Variants in PDE1C observed in about 807,000 individuals in gnomAD.
The protein encoded by PDE1C is dual specificity calcium/calmodulin-dependent 3',5'-cyclic nucleotide phosphodiesterase 1C.
In PDE1C, 62 loss-of-function variants were observed where a neutral mutation model predicts 93.1. The observed-to-expected ratio is 0.67, with a 90% confidence interval of 0.54 to 0.82. The LOEUF (loss-of-function observed/expected upper bound fraction) is 0.82, where lower values mean the gene tolerates loss of function less well. Among genes scored for constraint, PDE1C ranks in the 40% least tolerant of loss-of-function variants. The pLI, the probability that PDE1C is intolerant of heterozygous loss-of-function variation, is 0.00. For missense variants in PDE1C, 742 were observed against 884.6 expected (o/e 0.84, Z 2.04); for synonymous variants, 325 against 310.1 (o/e 1.05, Z -0.50).
intron 16 of PDE1C, among the ~76,000 whole-genome samples, chr7:31,797,511 A>G (rs1785456196): frequency 6.6e-6 from 1 of 151,804 alleles, no homozygotes; most frequent in South Asian, 2.1e-4. Context: ...ATTACTAAAA[A>G]CAGTTAAGCA....
intron 7 of PDE1C, among the ~76,000 whole-genome samples, chr7:31,859,398 T>A (rs1229469874): frequency 1.3e-5 from 2 of 148,680 alleles, no homozygotes; most frequent in East Asian, 1.9e-4. Flanking sequence ...TGTACAGTAA[T>A]GGCACAATAT....
the PDE1C span, chr7:31,651,868 T>C: frequency 9.8e-5 from 102 of 1,036,622 alleles, no homozygotes; most frequent in Middle Eastern, 5.3e-4. Flanking sequence ...ACCTATATTA[T>C]GAGGTGACAA....
At position 31,931,212 on chromosome 7, in the gene PDE1C, A is replaced by G. The variant is rs181098863; in HGVS notation, c.129-50352T>C. On this transcript the variant is annotated intron_variant, in intron 2 of 17. Coordinates refer to ENST00000396191, the MANE Select transcript of PDE1C (RefSeq NM_001191057.4). ...ATGCCCTCTCTCACCACTCCTTTTC[A>G]ACATAGTATTGGAAGGTCTGGTCAG... is the stretch of plus-strand genomic sequence containing the variant. 2.0e-3 allele frequency among the ~76,000 whole-genome samples: 311 copies of G among 152,342 alleles called. 3 individuals are homozygous for G. Among genetic ancestry groups the G allele is most frequent in the African/African-American group, 4.1e-3 (171 of 41,582 alleles).
intron 16 of PDE1C, among the ~76,000 whole-genome samples, chr7:31,798,607 A>C (rs1056121459): frequency 2.6e-5 from 4 of 151,800 alleles, no homozygotes; most frequent in Admixed American, 2.6e-4. Flanking sequence ...ATCCATTAGA[A>C]TTTGGTCAAA....
At chr7:31,658,492 C>T in the PDE1C span, 1 of 1,057,344 alleles carries the variant, frequency 9.5e-7, no homozygotes. Context: ...AAGTGGTGCC[C>T]CTTTGAGAAG....
chr7:32,298,576 A>G (rs1279121243), intron 1 of PDE1C: 3 of 1,505,068 alleles, frequency 2.0e-6, no homozygotes, highest in Non-Finnish European at 9.0e-7. Context: ...CTGCCCGCTT[A>G]GAAAGGAACT....
At chr7:32,132,472 C>A (rs1034757906) in intron 3 of PDE1C, among the ~76,000 whole-genome samples, 1 of 151,420 alleles carries the variant, frequency 6.6e-6, no homozygotes, top group Non-Finnish European at 1.5e-5. Flanking sequence ...TCACCCTGGG[C>A]AACATAGTGA....
In PDE1C at chr7:32,070,326, T is replaced by G. The variant is rs1161463097; in HGVS notation, c.68A>C (p.Gln23Pro). 3 of 1,614,114 alleles carry G rather than the reference T, an allele frequency of 1.9e-6. No individual in the cohort carries two copies. The highest frequency in any genetic ancestry group is 2.5e-6 in the Non-Finnish European group (3 of 1,180,048). ...GAGCCGAAGCCAGATTTTCTCGATC[T>G]GTTCCGGTTGCAGGTATTTCAGAGA... Reference protein sequence around the residue: ...SNSLKYLQPEQIEKIWLRLRG... With the variant: ...SNSLKYLQPEPIEKIWLRLRG... The change falls in exon 1 of 18, where the codon CAG (glutamine) becomes CCG (proline). Residue 23 changes from glutamine to proline, a missense_variant. Coordinates refer to ENST00000396191, the MANE Select transcript of PDE1C (RefSeq NM_001191057.4).
chr7:32,296,104 A>T (rs1812597656), intron 1 of PDE1C, among the ~76,000 whole-genome samples: 2 of 152,346 alleles, frequency 1.3e-5, no homozygotes, highest in South Asian at 4.1e-4. Flanking sequence ...TTGTAAAAAC[A>T]ATGTACATAT....
chr7:32,371,715 G>A (rs1203608536), intron 1 of PDE1C, among the ~76,000 whole-genome samples: 2 of 152,068 alleles, frequency 1.3e-5, no homozygotes, highest in Non-Finnish European at 2.9e-5. Flanking sequence ...TACATAAATG[G>A]AAAAACATTC....
At chr7:32,422,402 C>T (rs987323167) in intron 1 of PDE1C, among the ~76,000 whole-genome samples, 2 of 152,114 alleles carry the variant, frequency 1.3e-5, no homozygotes, top group African/African-American at 4.8e-5. Flanking sequence ...TTGCATGGTG[C>T]TGTGGTTTGG....
At chr7:32,362,546 A>G (rs1234744627) in intron 1 of PDE1C, among the ~76,000 whole-genome samples, 2 of 152,110 alleles carry the variant, frequency 1.3e-5, no homozygotes, top group Non-Finnish European at 2.9e-5. Context: ...AGTGGCCATC[A>G]TAGATGGAGT....
intron 2 of PDE1C, among the ~76,000 whole-genome samples, chr7:31,955,960 G>A (rs1808073594): frequency 6.6e-6 from 1 of 152,164 alleles, no homozygotes; most frequent in Non-Finnish European, 1.5e-5. Context: ...ATGACCTGGA[G>A]GTTTTCGGTG....
chr7:32,399,247 T>G (rs1435064672), intron 1 of PDE1C, among the ~76,000 whole-genome samples: 1 of 152,206 alleles, frequency 6.6e-6, no homozygotes, highest in Admixed American at 6.5e-5. Flanking sequence ...ATTCTTAGAA[T>G]AAATTCTTAG....
chr7:31,963,894 G>C (rs1809442869), intron 2 of PDE1C, among the ~76,000 whole-genome samples: 2 of 152,224 alleles, frequency 1.3e-5, no homozygotes, highest in African/African-American at 4.8e-5. Context: ...ATGAAAATCT[G>C]TTAGCACTTA....
chr7:31,976,506 TG>T (rs1269259670), intron 2 of PDE1C, among the ~76,000 whole-genome samples: 1 of 152,206 alleles, frequency 6.6e-6, no homozygotes. Context: ...AACTGATATA[TG>T]GTTTCTATTA....
At chr7:32,035,157 G>A (rs1790876144) in intron 2 of PDE1C, among the ~76,000 whole-genome samples, 2 of 151,844 alleles carry the variant, frequency 1.3e-5, no homozygotes, top group South Asian at 4.2e-4. Context: ...ATGTCAGCAT[G>A]ACCATAAACT....
intron 2 of PDE1C, among the ~76,000 whole-genome samples, chr7:32,206,255 A>T (rs953339471): frequency 6.6e-6 from 1 of 152,052 alleles, no homozygotes; most frequent in African/African-American, 2.4e-5. Context: ...GGGACGGCTC[A>T]CTGATTAGGA....
intron 2 of PDE1C, among the ~76,000 whole-genome samples, chr7:32,002,568 A>G (rs1022182786): frequency 2.1e-5 from 3 of 145,646 alleles, no homozygotes; most frequent in African/African-American, 7.4e-5. Flanking sequence ...GCCTGACATA[A>G]AAAGCACTTA....
Sources: gnomAD v4.1 joint callset for allele counts (sites outside exome capture counted in the v4.1 genomes callset) on GRCh38, gnomAD v4.1.1 for gene constraint, MANE v1.5 for transcripts, NCBI Gene and HGNC (gene_info 2026-07-23, HGNC 2026-07-21) for gene names.